GRID2: variants seen among roughly 807,000 people sequenced by gnomAD.
GRID2 encodes glutamate receptor ionotropic, delta-2.
GRID2 carries 33 observed loss-of-function variants against 114.8 expected under a neutral mutation model. The ratio of observed to expected loss-of-function variants is 0.29; its 90% CI spans 0.22 to 0.38. The LOEUF is 0.38. GRID2 is among the 10% of genes least tolerant of loss of function. GRID2 has a pLI of 1.00. For synonymous variants in GRID2, 505 were observed against 449.9 expected (o/e 1.12, Z -1.55); for missense variants, 1,184 against 1,257.7 (o/e 0.94, Z 0.89).
At chr4:93,121,291 A>G (rs1733762939) in intron 4 of GRID2, among the ~76,000 whole-genome samples, 1 of 152,192 alleles carries the variant, frequency 6.6e-6, no homozygotes, top group Admixed American at 6.5e-5. Context: ...GAAACAGAAC[A>G]TAACTAGCAT....
chr4:92,942,582 A>G (rs1751243919), intron 2 of GRID2, among the ~76,000 whole-genome samples: 1 of 152,000 alleles, frequency 6.6e-6, no homozygotes. Flanking sequence ...TAAGGTTCCT[A>G]TTGTTATGTG....
intron 2 of GRID2, among the ~76,000 whole-genome samples, chr4:93,079,355 T>G (rs1729645244): frequency 6.6e-6 from 1 of 152,034 alleles, no homozygotes; most frequent in African/African-American, 2.4e-5. Flanking sequence ...AACTAAAAAT[T>G]TTTTAAAAGA....
At chr4:93,751,672 T>G in intron 14 of GRID2, among the ~76,000 whole-genome samples, 1 of 152,132 alleles carries the variant, frequency 6.6e-6, no homozygotes, top group East Asian at 1.9e-4. Flanking sequence ...TGTATTGAAA[T>G]GAAAGTGTCC....
At chr4:93,455,595 C>T in intron 10 of GRID2, 67 bp from the exon 11 acceptor site, 2 of 1,084,642 alleles carry the variant, frequency 1.8e-6, no homozygotes, top group Non-Finnish European at 2.8e-6. Context: ...TCGAGGCAAG[C>T]TGAAGTGGCA....
intron 1 of GRID2, among the ~76,000 whole-genome samples, chr4:92,442,625 G>T (rs946243032): frequency 8.5e-4 from 129 of 152,022 alleles, no homozygotes; most frequent in Non-Finnish European, 1.4e-3. Flanking sequence ...GAATTTAATT[G>T]TTGGAGTTTT....
At chr4:92,941,205 T>C (rs2149535788) in intron 2 of GRID2, among the ~76,000 whole-genome samples, 1 of 152,284 alleles carries the variant, frequency 6.6e-6, no homozygotes, top group Middle Eastern at 3.4e-3. Context: ...TCCTGGACTT[T>C]TTTTGGTTGG....
intron 2 of GRID2, among the ~76,000 whole-genome samples, chr4:92,784,456 A>G (rs1739225062): frequency 6.6e-6 from 1 of 151,792 alleles, no homozygotes; most frequent in Non-Finnish European, 1.5e-5. Context: ...ATTTTATCTA[A>G]TATGCATTGT....
chr4:92,883,740 C>CT (rs780406713), intron 2 of GRID2, among the ~76,000 whole-genome samples: 8 of 152,152 alleles, frequency 5.3e-5, no homozygotes, highest in Non-Finnish European at 1.2e-4. Context: ...GTAAGTTATA[C>CT]TGTTTTCTGA....
chr4:93,049,294 A>T (rs1353062344), intron 2 of GRID2, among the ~76,000 whole-genome samples: 1 of 152,100 alleles, frequency 6.6e-6, no homozygotes, highest in Non-Finnish European at 1.5e-5. Flanking sequence ...TAACAAATAA[A>T]AATGCAAGAC....
intron 12 of GRID2, among the ~76,000 whole-genome samples, chr4:93,495,064 A>C (rs546468100): frequency 1.3e-5 from 2 of 151,732 alleles, no homozygotes; most frequent in Non-Finnish European, 2.9e-5. Context: ...ATGAAACTTG[A>C]GTTTTTTCAT....
chr4:93,376,704 C>A (rs897844769), intron 8 of GRID2, among the ~76,000 whole-genome samples: 1 of 152,130 alleles, frequency 6.6e-6, no homozygotes, highest in Admixed American at 6.6e-5. Flanking sequence ...TTATCCTCAG[C>A]AAACTAACAC....
At chr4:93,365,374 A>G (rs1432071071) in intron 8 of GRID2, among the ~76,000 whole-genome samples, 5 of 152,196 alleles carry the variant, frequency 3.3e-5, no homozygotes, top group Admixed American at 6.5e-5. Flanking sequence ...GATCAAATAG[A>G]TATGTTCAGC....
At chr4:93,051,204 C>G (rs774560573) in intron 2 of GRID2, among the ~76,000 whole-genome samples, 12 of 151,916 alleles carry the variant, frequency 7.9e-5, no homozygotes, top group Non-Finnish European at 1.5e-4. Flanking sequence ...AATAAGGAAT[C>G]GTTCAATTCT....
In GRID2 at chr4:92,304,260, T is replaced by C. The variant is rs965959243; in HGVS notation, c.-397T>C. 1.2e-4 allele frequency: 28 copies of C among 227,852 alleles called. No homozygotes were observed. Among genetic ancestry groups the C allele is most frequent in the African/African-American group, 6.7e-4 (28 of 42,086 alleles). The allele number at this position is 227,852 out of a possible 1,614,324, so 14.1% of individuals were successfully genotyped here. Reference sequence around the variant, plus strand: ...TGCGGGGAAGGGGGCACATCCGGCGTGAGGGGGGTGTTGGAAGTTGCAGCG... The same window carrying C: ...TGCGGGGAAGGGGGCACATCCGGCGCGAGGGGGGTGTTGGAAGTTGCAGCG... On this transcript the variant is annotated 5_prime_UTR_variant, in exon 1 of 16. Transcript: ENST00000282020.
At chr4:93,596,492 G>A (rs917462216) in intron 13 of GRID2, among the ~76,000 whole-genome samples, 2 of 152,098 alleles carry the variant, frequency 1.3e-5, no homozygotes, top group Non-Finnish European at 2.9e-5. Flanking sequence ...GCAGAAGAAT[G>A]CGGTGAACTC....
intron 1 of GRID2, among the ~76,000 whole-genome samples, chr4:92,377,652 A>G (rs189361915): frequency 6.6e-6 from 1 of 152,284 alleles, no homozygotes; most frequent in Admixed American, 6.5e-5. Context: ...AAAGAAGTTT[A>G]ATGGACTCAT....
chr4:92,422,299 AG>A (rs1167027639), intron 1 of GRID2, among the ~76,000 whole-genome samples: 1 of 152,170 alleles, frequency 6.6e-6, no homozygotes, highest in Non-Finnish European at 1.5e-5. Context: ...AGACCTTTCC[AG>A]GGATTCGTTC....
chr4:92,726,078 A>T (rs1392185657), intron 2 of GRID2, among the ~76,000 whole-genome samples: 12 of 150,612 alleles, frequency 8.0e-5, no homozygotes, highest in Non-Finnish European at 1.6e-4. Context: ...ATCATAGATG[A>T]GAGAGAAAAG....
At chr4:93,260,673 T>C (rs1188319623) in intron 8 of GRID2, among the ~76,000 whole-genome samples, 2 of 151,854 alleles carry the variant, frequency 1.3e-5, no homozygotes, top group African/African-American at 2.4e-5. Flanking sequence ...ATGGTAGTCA[T>C]GAATGCCAGT....
Sources: gnomAD v4.1 joint callset for allele counts (sites outside exome capture counted in the v4.1 genomes callset) on GRCh38, gnomAD v4.1.1 for gene constraint, MANE v1.5 for transcripts, NCBI Gene and HGNC (gene_info 2026-07-23, HGNC 2026-07-21) for gene names.